HMG20A: variants seen among roughly 807,000 people sequenced by gnomAD.
HMG20A encodes high mobility group 20A.
HMG20A carries 17 observed loss-of-function variants against 43.9 expected under a neutral mutation model. The ratio of observed to expected loss-of-function variants is 0.39; its 90% CI spans 0.27 to 0.58. HMG20A has a LOEUF of 0.58. Among genes scored for constraint, HMG20A ranks in the 20% least tolerant of loss-of-function variants. HMG20A has a pLI of 0.59. For missense variants in HMG20A, 341 were observed against 438.2 expected (o/e 0.78, Z 1.98); for synonymous variants, 132 against 147.5 (o/e 0.89, Z 0.76).
chr15:77,441,231 T>C (rs2073609750), intron 1 of HMG20A, among the ~76,000 whole-genome samples: 1 of 152,104 alleles, frequency 6.6e-6, no homozygotes, highest in African/African-American at 2.4e-5. Flanking sequence ...GAGATTGGAA[T>C]CTAGGCAGTC....
chr15:77,451,598 A>G (rs2072602963), intron 1 of HMG20A, among the ~76,000 whole-genome samples: 1 of 152,234 alleles, frequency 6.6e-6, no homozygotes, highest in African/African-American at 2.4e-5. Context: ...CTATGGATAC[A>G]GGGCCGACTT....
At chr15:77,499,764 G>C in the HMG20A span, among the ~76,000 whole-genome samples, 1 of 151,860 alleles carries the variant, frequency 6.6e-6, no homozygotes, top group Non-Finnish European at 1.5e-5. Context: ...CCACCAGTTC[G>C]TCCTGCACAC....
chr15:77,468,636 T>A (rs1297727492), intron 4 of HMG20A, among the ~76,000 whole-genome samples: 5 of 147,120 alleles, frequency 3.4e-5, no homozygotes, highest in Non-Finnish European at 6.1e-5. Context: ...CTTGCATGTG[T>A]ACACCCAGAC....
the HMG20A span, among the ~76,000 whole-genome samples, chr15:77,511,079 A>C: frequency 6.6e-6 from 1 of 152,240 alleles, no homozygotes; most frequent in Non-Finnish European, 1.5e-5. Context: ...GACTGGCTAC[A>C]TGCAAGGGCA....
intron 6 of HMG20A, among the ~76,000 whole-genome samples, chr15:77,475,422 G>T (rs2072846343): frequency 6.6e-6 from 1 of 152,200 alleles, no homozygotes; most frequent in Non-Finnish European, 1.5e-5. Context: ...TAATTAGCTT[G>T]ATTTGGACTG....
At position 77,420,974 on chromosome 15, in the gene HMG20A, C is replaced by G; in HGVS notation, c.-35C>G. On this transcript the variant is annotated 5_prime_UTR_variant, in exon 1 of 10. Transcript: ENST00000336216. ...CTGTGGAAGGGACTTTCTTTTGGCC[C>G]TAGGCCCCTTCCTGCCCCTGTCGTC... The G allele has an allele frequency of 2.5e-6, 1 of 398,730 alleles. No individual in the cohort carries two copies. Among genetic ancestry groups the G allele is most frequent in the South Asian group, 1.3e-4 (1 of 7,864 alleles). 24.7% of individuals were successfully genotyped at this position (398,730 alleles called of 1,614,324 possible). A position where few individuals can be genotyped will look rare whatever the true frequency, so the allele number is the denominator to read the frequency against.
chr15:77,461,655 C>A (rs2072706188), intron 2 of HMG20A, among the ~76,000 whole-genome samples: 1 of 152,154 alleles, frequency 6.6e-6, no homozygotes, highest in African/African-American at 2.4e-5. Context: ...CATTCCTGTC[C>A]ACTTAAGTCA....
At chr15:77,489,004 A>G (rs1433115955), downstream of HMG20A, among the ~76,000 whole-genome samples, 1 of 152,218 alleles carries the variant, frequency 6.6e-6, no homozygotes, top group East Asian at 1.9e-4. Context: ...ACGTGACCTT[A>G]GGCAAGTTGC....
the HMG20A span, among the ~76,000 whole-genome samples, chr15:77,490,867 C>T: frequency 6.6e-6 from 1 of 152,180 alleles, no homozygotes; most frequent in Non-Finnish European, 1.5e-5. Flanking sequence ...TTAAAAAGTT[C>T]CTTTCAGTTC....
At chr15:77,462,927 A>G (rs2072718990) in intron 2 of HMG20A, among the ~76,000 whole-genome samples, 1 of 151,586 alleles carries the variant, frequency 6.6e-6, no homozygotes, top group African/African-American at 2.4e-5. Flanking sequence ...CACTGCCATC[A>G]TGGCCAGCTA....
the HMG20A span, among the ~76,000 whole-genome samples, chr15:77,510,467 C>T: frequency 6.3e-3 from 956 of 152,312 alleles, 7 homozygotes; most frequent in African/African-American, 0.022. Context: ...ATTTGTAAAG[C>T]GCAGCTTAAA....
the HMG20A span, among the ~76,000 whole-genome samples, chr15:77,510,081 A>T: frequency 1.3e-5 from 2 of 151,818 alleles, no homozygotes; most frequent in Non-Finnish European, 2.9e-5. Flanking sequence ...TGTCATTCCT[A>T]GCCCCCCACA....
At chr15:77,516,278 T>C in the HMG20A span, among the ~76,000 whole-genome samples, 14 of 152,290 alleles carry the variant, frequency 9.2e-5, no homozygotes, top group African/African-American at 3.4e-4. Context: ...ATAGTCAAGG[T>C]TGTGAACTTT....
At chr15:77,509,063 G>A in the HMG20A span, among the ~76,000 whole-genome samples, 1 of 152,104 alleles carries the variant, frequency 6.6e-6, no homozygotes, top group Non-Finnish European at 1.5e-5. Context: ...CAGCTTCCCT[G>A]CCTGCTCTTG....
intron 1 of HMG20A, among the ~76,000 whole-genome samples, chr15:77,454,806 G>A (rs1016314628): frequency 6.6e-6 from 1 of 152,164 alleles, no homozygotes; most frequent in Non-Finnish European, 1.5e-5. Flanking sequence ...TTCAAGGTGA[G>A]TTGTAATAGG....
At chr15:77,490,880 A>G in the HMG20A span, among the ~76,000 whole-genome samples, 1 of 152,116 alleles carries the variant, frequency 6.6e-6, no homozygotes, top group Non-Finnish European at 1.5e-5. Context: ...TTCAGTTCCT[A>G]AAAGTCTGTG....
At chr15:77,463,633 C>A (rs1392804908) in intron 2 of HMG20A, among the ~76,000 whole-genome samples, 1 of 152,168 alleles carries the variant, frequency 6.6e-6, no homozygotes, top group Non-Finnish European at 1.5e-5. Context: ...GCTAACTCAT[C>A]TGGAATAGTA....
intron 1 of HMG20A, among the ~76,000 whole-genome samples, chr15:77,437,650 C>A (rs1218207687): frequency 6.6e-6 from 1 of 152,106 alleles, no homozygotes; most frequent in Admixed American, 6.6e-5. Flanking sequence ...CAGCTCACAG[C>A]AACCTCTGCC....
chr15:77,448,005 A>G (rs1351407833), intron 1 of HMG20A, among the ~76,000 whole-genome samples: 1 of 152,206 alleles, frequency 6.6e-6, no homozygotes, highest in Non-Finnish European at 1.5e-5. Flanking sequence ...TATGCAGGCC[A>G]CAGTTTATAG....
Sources: gnomAD v4.1 joint callset for allele counts (sites outside exome capture counted in the v4.1 genomes callset) on GRCh38, gnomAD v4.1.1 for gene constraint, MANE v1.5 for transcripts, NCBI Gene and HGNC (gene_info 2026-07-23, HGNC 2026-07-21) for gene names.